The following CIT variants were observed in gnomAD, a reference collection of about 807,000 sequenced individuals.
The protein encoded by CIT is citron rho-interacting serine/threonine kinase.
A neutral mutation model predicts 272.7 loss-of-function variants in CIT; 79 were observed. The observed-to-expected ratio is 0.29, with a 90% CI of 0.24 to 0.35. The LOEUF is 0.35. CIT is among the 10% of genes least tolerant of loss of function. CIT has a pLI of 1.00. For missense variants in CIT, 1,909 were observed against 2,618.3 expected, an observed-to-expected ratio of 0.73 and a Z score of 5.91; for synonymous variants, 948 against 995.6, an observed-to-expected ratio of 0.95 and a Z score of 0.90.
At chr12:119,811,557 T>C (rs1966847813) in intron 9 of CIT, among the ~76,000 whole-genome samples, 1 of 152,176 alleles carries the variant, frequency 6.6e-6, no homozygotes, top group Non-Finnish European at 1.5e-5. Flanking sequence ...TGCCAACAAC[T>C]AGGCAGATAA....
chr12:119,697,222 G>C lies in CIT; in HGVS notation c.5882+437C>G, dbSNP rs1956273759. Among the ~76,000 whole-genome samples, 1 of 151,938 alleles carries C rather than the reference G, an allele frequency of 6.6e-6. No individual in the cohort carries two copies. Among genetic ancestry groups the C allele is most frequent in the African/African-American group, 2.4e-5 (1 of 41,362 alleles). On this transcript the variant is annotated intron_variant, in intron 46 of 47. Transcript: ENST00000392521. This position sits in a 1 kb window ranked among gnomAD's most constrained non-coding sequence, Gnocchi z 4.9. ...TCCAGGCTTTCAACCACCCCACCAG[G>C]GCCTCATCCTTCCATGCCTTAATCT...
At position 119,714,188 on chromosome 12, in the gene CIT, T is replaced by G. The variant is rs530093374; in HGVS notation, c.4306+9A>C. 31 of 1,614,122 alleles carry G rather than the reference T, an allele frequency of 1.9e-5. 2 individuals are homozygous for G. In the South Asian group the frequency reaches 3.0e-4, roughly 15 times the overall value. ...GTGCCCAGCACAGATGCACAACTAC[T>G]GATCTTACCGAGACATTTGGATGCC... is the stretch of plus-strand genomic sequence containing the variant. On this transcript the variant is annotated intron_variant, in intron 33 of 47. Coordinates refer to ENST00000392521, the MANE Select transcript of CIT (RefSeq NM_001206999.2).
intron 5 of CIT, among the ~76,000 whole-genome samples, chr12:119,842,191 C>T (rs1969452500): frequency 6.6e-6 from 1 of 152,064 alleles, no homozygotes; most frequent in Non-Finnish European, 1.5e-5. Flanking sequence ...GAGTTTGAGA[C>T]CAGCCTGACC....
At chr12:119,864,346 T>G (rs1232122392) in intron 3 of CIT, among the ~76,000 whole-genome samples, 1 of 152,130 alleles carries the variant, frequency 6.6e-6, no homozygotes, top group African/African-American at 2.4e-5. Flanking sequence ...GGTGTTGTTT[T>G]GTGTTTTGAG....
At chr12:119,709,120 G>A (rs11064881) in intron 39 of CIT, among the ~76,000 whole-genome samples, 7,676 of 152,242 alleles carry the variant, frequency 0.05, 270 homozygotes, top group Middle Eastern at 0.099. Context: ...GCAGCATAGC[G>A]GATACTTGTA....
intron 9 of CIT, among the ~76,000 whole-genome samples, chr12:119,805,645 G>A (rs1319930641): frequency 6.6e-6 from 1 of 152,120 alleles, no homozygotes; most frequent in East Asian, 1.9e-4. Context: ...TTTATCTTTA[G>A]GAGACCAAAA....
intron 19 of CIT, among the ~76,000 whole-genome samples, chr12:119,764,460 T>A (rs1259551961): frequency 2.7e-5 from 4 of 150,786 alleles, no homozygotes; most frequent in African/African-American, 7.3e-5. Context: ...AACAGAAAAT[T>A]TAAAAATTAC....
In CIT at chr12:119,718,633, TCTCA is replaced by T; in HGVS notation, c.4003+62_4003+65del. 3.1e-6 allele frequency: 5 copies of T among 1,595,894 alleles called. No individual in the cohort carries two copies. In the South Asian group the frequency reaches 4.4e-5, roughly 14 times the overall value. ...CACTGAGCTAGTTAGTCTTGGCTGA[TCTCA>T]CTGAGATCAATCCTCTGCCTTTTCC... On this transcript the variant is annotated intron_variant, in intron 31 of 47. Coordinates refer to ENST00000392521, the MANE Select transcript of CIT (RefSeq NM_001206999.2). The surrounding 1 kb of genome is among the most constrained non-coding windows in gnomAD (Gnocchi z 4.8).
At chr12:119,869,413 C>T (rs1950604140) in intron 2 of CIT, among the ~76,000 whole-genome samples, 1 of 152,176 alleles carries the variant, frequency 6.6e-6, no homozygotes, top group African/African-American at 2.4e-5. Context: ...GTTTCTTTCA[C>T]CAGCACCTGG....
chr12:119,775,127 G>T (rs1458314975), intron 16 of CIT, among the ~76,000 whole-genome samples: 2 of 152,020 alleles, frequency 1.3e-5, no homozygotes, highest in Non-Finnish European at 2.9e-5. Context: ...ACAAAAATTA[G>T]CCAGGCGTGG....
At chr12:119,869,300 A>C in intron 2 of CIT, 99 bp from the exon 3 acceptor site, 1 of 1,125,362 alleles carries the variant, frequency 8.9e-7, no homozygotes, top group Non-Finnish European at 1.3e-6. Context: ...AACTCAACTA[A>C]CTGCTCACGA....
intron 5 of CIT, among the ~76,000 whole-genome samples, chr12:119,842,999 G>T (rs986511113): frequency 6.6e-6 from 1 of 152,180 alleles, no homozygotes; most frequent in Non-Finnish European, 1.5e-5. Context: ...GAAGTACAGG[G>T]TGCAATGAGC....
At chr12:119,857,502 A>G (rs779466598) in intron 4 of CIT, 21 bp downstream of exon 4, 4 of 1,613,130 alleles carry the variant, frequency 2.5e-6, no homozygotes, top group East Asian at 2.2e-5. Flanking sequence ...GTGGAAAAGC[A>G]TGATGTTAAA....
At chr12:119,871,822 A>T (rs1011888981) in intron 2 of CIT, among the ~76,000 whole-genome samples, 1 of 152,164 alleles carries the variant, frequency 6.6e-6, no homozygotes, top group Non-Finnish European at 1.5e-5. Context: ...GTGCTGCCAC[A>T]CTCCAGCCTG....
chr12:119,772,299 A>G (rs1000926963), intron 17 of CIT, among the ~76,000 whole-genome samples: 2 of 152,220 alleles, frequency 1.3e-5, no homozygotes, highest in Non-Finnish European at 2.9e-5. Context: ...TATACAAATG[A>G]TTTCAACAAC....
intron 7 of CIT, 90 bp downstream of exon 7, chr12:119,832,681 A>T: frequency 9.4e-7 from 1 of 1,069,274 alleles, no homozygotes; most frequent in Non-Finnish European, 1.4e-6. Context: ...AACATTGTTC[A>T]CCATTTTATC....
rs768546322 is a variant in CIT, at chr12:119,687,071, T to A, written c.*1161A>T. 6.5e-6 allele frequency: 1 copy of A among 153,104 alleles called. No homozygotes were observed. The highest frequency in any genetic ancestry group is 1.9e-4 in the East Asian group (1 of 5,200). 9.5% of individuals were successfully genotyped at this position (153,104 alleles called of 1,614,324 possible). Reference sequence around the variant, plus strand: ...GTGGTGGTTTGCTGAAATCCTTCTCTGGTCGTAAGGCTTGAGCGTTTTGTT... The same window carrying A: ...GTGGTGGTTTGCTGAAATCCTTCTCAGGTCGTAAGGCTTGAGCGTTTTGTT... On this transcript the variant is annotated 3_prime_UTR_variant, in exon 48 of 48. Transcript: ENST00000392521.
chr12:119,832,777 G>A lies in CIT; in HGVS notation c.747C>T (p.Asn249=). ...ATCTTATTCCATTTTTTACCATCTTGTTTGAATTCATTTTCGCGGCAGATC... is the reference window on the plus strand; with the variant it reads ...ATCTTATTCCATTTTTTACCATCTTATTTGAATTCATTTTCGCGGCAGATC... ...DFGSAAKMNS[N]KMVNAKLPIG... is the part of the protein sequence containing the mutation. Residue 249 remains asparagine (N), a synonymous_variant, in exon 7 of 48, where the codon AAC becomes AAT. Transcript: ENST00000392521. 6.2e-7 allele frequency: 1 copy of A among 1,612,142 alleles called. No homozygotes were observed. The highest frequency in any genetic ancestry group is 1.7e-5 in the Admixed American group (1 of 59,992).
At chr12:119,796,251 T>C (rs1271195095) in intron 10 of CIT, among the ~76,000 whole-genome samples, 1 of 152,148 alleles carries the variant, frequency 6.6e-6, no homozygotes, top group Middle Eastern at 3.2e-3. Context: ...AACCTATGCT[T>C]TGGAAGAATT....
Sources: gnomAD v4.1 joint callset for allele counts (sites outside exome capture counted in the v4.1 genomes callset) on GRCh38, gnomAD v4.1.1 for gene constraint, Gnocchi (gnomAD v3.1) non-coding constraint, MANE v1.5 for transcripts, NCBI Gene and HGNC (gene_info 2026-07-23, HGNC 2026-07-21) for gene names.